Variants in NFYB observed in about 807,000 individuals in gnomAD.
NFYB encodes nuclear transcription factor Y subunit beta, also known as CAAT box DNA-binding protein subunit B.
In NFYB, 13 loss-of-function variants were observed where a neutral mutation model predicts 28.0. The observed-to-expected ratio is 0.46, with a 90% CI of 0.30 to 0.74. The LOEUF (loss-of-function observed/expected upper bound fraction) is 0.74, where lower values mean the gene tolerates loss of function less well. Among genes scored for constraint, NFYB ranks in the 30% least tolerant of loss-of-function variants. The probability of loss-of-function intolerance (pLI) is 0.07; values close to 1 mark genes in which losing one functional copy is unlikely to be tolerated. For missense variants in NFYB, 142 were observed against 247.6 expected (o/e 0.57, Z 2.86); for synonymous variants, 74 against 75.0 (o/e 0.99, Z 0.07).
chr12:104,127,239 G>C (rs998891257), intron 3 of NFYB, among the ~76,000 whole-genome samples: 6 of 152,012 alleles, frequency 3.9e-5, no homozygotes, highest in Non-Finnish European at 8.8e-5. Flanking sequence ...TAATCCCTCT[G>C]GCAAGTTTCT....
At chr12:104,131,338 G>C (rs2030915310) in intron 2 of NFYB, 1 of 168,652 alleles carries the variant, frequency 5.9e-6, no homozygotes, top group Admixed American at 6.2e-5. Flanking sequence ...CACATCATCT[G>C]CTTAACTGTA....
rs570692117 is a variant in NFYB at position 104,136,138 on chromosome 12, A to G, written c.-79-606T>C. 5.3e-5 allele frequency among the ~76,000 whole-genome samples: 8 copies of G among 152,336 alleles called. No individual in the cohort carries two copies. The South Asian group carries it at 1.0e-3, about 20-fold the overall frequency. ...TCAAGACCCTTATTTATAATTTTGA[A>G]GCACCACCATTTTTGACTAAAATTG... On this transcript the variant is annotated intron_variant, in intron 1 of 7. Transcript: ENST00000240055.
At chr12:104,136,556 T>G (rs2031106869) in intron 1 of NFYB, among the ~76,000 whole-genome samples, 1 of 152,196 alleles carries the variant, frequency 6.6e-6, no homozygotes. Flanking sequence ...TCCTTCCTTG[T>G]AACGAGAAAT....
At chr12:104,131,083 A>G (rs984885908) in intron 2 of NFYB, 2 of 152,248 alleles carry the variant, frequency 1.3e-5, no homozygotes, top group African/African-American at 2.4e-5. Context: ...AACACAAACA[A>G]AAGTATTAAA....
chr12:104,134,217 G>A (rs61610230), intron 2 of NFYB, among the ~76,000 whole-genome samples: 8,406 of 151,938 alleles, frequency 0.055, 263 homozygotes, highest in South Asian at 0.11. Flanking sequence ...TCACTTCTAT[G>A]CTTATAAATG....
chr12:104,123,133 G>A, intron 5 of NFYB, 93 bp downstream of exon 5: 1 of 939,548 alleles, frequency 1.1e-6, no homozygotes, highest in Non-Finnish European at 1.6e-6. Flanking sequence ...CCGAGATCTT[G>A]CCACTGTACT....
intron 5 of NFYB, among the ~76,000 whole-genome samples, chr12:104,122,331 AT>A (rs1349056043): frequency 6.6e-6 from 1 of 152,240 alleles, no homozygotes; most frequent in Non-Finnish European, 1.5e-5. Flanking sequence ...CCCTTAAATC[AT>A]TATATAACTA....
Position 104,126,135 on chromosome 12 carries a change from A to G in NFYB, c.210T>C (p.Asn70=), listed in dbSNP as rs1188637517. ...TTACCTTTCCCGTTTGAGGTATGGC[A>G]TTTTTCATTATCCTAGCCACGTTTG... ...PIANVARIMK[N]AIPQTGKIAK... is the part of the protein sequence containing the mutation. The change falls in exon 4 of 8, where the codon AAT becomes AAC. Residue 70 remains asparagine (N), a synonymous_variant. Coordinates refer to ENST00000240055, the MANE Select transcript of NFYB (RefSeq NM_006166.4). The G allele has an allele frequency of 6.3e-7, 1 of 1,586,236 alleles. No individual in the cohort carries two copies. Among genetic ancestry groups the G allele is most frequent in the Non-Finnish European group, 8.5e-7 (1 of 1,171,190 alleles).
chr12:104,124,381 T>C (rs1471985744), intron 4 of NFYB, among the ~76,000 whole-genome samples: 1 of 152,174 alleles, frequency 6.6e-6, no homozygotes, highest in Non-Finnish European at 1.5e-5. Flanking sequence ...CTCCAATGGA[T>C]TAATCAAGCA....
rs946595728 is a variant in NFYB at position 104,135,508 on chromosome 12, G to A, written c.-55C>T. The A allele has an allele frequency of 4.0e-6, 6 of 1,515,988 alleles. No homozygotes were observed. Among genetic ancestry groups the A allele is most frequent in the Non-Finnish European group, 5.3e-6 (6 of 1,127,720 alleles). 93.9% of individuals were successfully genotyped at this position (1,515,988 alleles called of 1,614,324 possible). Reference sequence around the variant, plus strand: ...GTGCTGAAGAACACCTATCTAAAAAGGTGTCTAATCTTTGTGATTTCAACC... The same window carrying A: ...GTGCTGAAGAACACCTATCTAAAAAAGTGTCTAATCTTTGTGATTTCAACC... On this transcript the variant is annotated 5_prime_UTR_variant, in exon 2 of 8. Transcript: ENST00000240055.
intron 2 of NFYB, among the ~76,000 whole-genome samples, chr12:104,133,953 A>T (rs2031015157): frequency 6.6e-6 from 1 of 152,086 alleles, no homozygotes; most frequent in African/African-American, 2.4e-5. Context: ...CTTCATTCCT[A>T]TTTAAACTCC....
intron 3 of NFYB, 129 bp downstream of exon 3, chr12:104,128,295 T>C (rs113518907): frequency 1.9e-5 from 10 of 537,742 alleles, no homozygotes; most frequent in African/African-American, 7.7e-5. Flanking sequence ...GACTTTCTCA[T>C]TGAACCGTAA....
At position 104,119,720 on chromosome 12, in the gene NFYB, T is replaced by G; in HGVS notation, c.*17A>C. On this transcript the variant is annotated 3_prime_UTR_variant, in exon 8 of 8. Transcript: ENST00000240055. ...ACTCTCATTTCTCTACACTCCCCAT[T>G]CCATCATTTCTTCAGATCATGAAAA... 6.3e-7 allele frequency: 1 copy of G among 1,589,760 alleles called. No individual in the cohort carries two copies. Among genetic ancestry groups the G allele is most frequent in the Non-Finnish European group, 8.6e-7 (1 of 1,159,208 alleles).
At chr12:104,131,172 C>G (rs938080491) in intron 2 of NFYB, 1 of 152,198 alleles carries the variant, frequency 6.6e-6, no homozygotes, top group Non-Finnish European at 1.5e-5. Flanking sequence ...ACAGCATTAG[C>G]CTCGCTAAAC....
At position 104,123,185 on chromosome 12, in the gene NFYB, A is replaced by G. The variant is rs374177943; in HGVS notation, c.429+41T>C. ...AGCGATACTCCACCTCAAAAAAAAA[A>G]AGAAGAAAAAAAAAAGCACAATGGG... On this transcript the variant is annotated intron_variant, in intron 5 of 7. Coordinates refer to ENST00000240055, the MANE Select transcript of NFYB (RefSeq NM_006166.4). 112 of 1,512,422 alleles carry G rather than the reference A, an allele frequency of 7.4e-5. No individual in the cohort carries two copies. The African/African-American group carries it at 1.4e-3, about 19-fold the overall frequency. 93.7% of individuals were successfully genotyped at this position (1,512,422 alleles called of 1,614,324 possible).
At chr12:104,126,025 T>G in intron 4 of NFYB, 89 bp downstream of exon 4, 3 of 1,315,956 alleles carry the variant, frequency 2.3e-6, no homozygotes, top group Non-Finnish European at 3.0e-6. Flanking sequence ...ATGATTGAAA[T>G]CAACAGCTAA....
intron 5 of NFYB, among the ~76,000 whole-genome samples, chr12:104,121,747 TA>T (rs914867414): frequency 9.8e-5 from 15 of 152,324 alleles, no homozygotes; most frequent in African/African-American, 3.6e-4. Flanking sequence ...TAAAAATTCC[TA>T]AATTAATTTG....
chr12:104,129,238 G>T (rs1450485304), intron 2 of NFYB, among the ~76,000 whole-genome samples: 1 of 152,104 alleles, frequency 6.6e-6, no homozygotes, highest in African/African-American at 2.4e-5. Context: ...AGAAGCTGAA[G>T]CAGGAGGACT....
Position 104,118,161 on chromosome 12 carries a change from A to G in NFYB, c.*1576T>C, listed in dbSNP as rs548067539. 6.6e-6 allele frequency: 1 copy of G among 152,248 alleles called. No homozygotes were observed. Among genetic ancestry groups the G allele is most frequent in the East Asian group, 1.9e-4 (1 of 5,206 alleles). 9.4% of individuals were successfully genotyped at this position (152,248 alleles called of 1,614,324 possible). A position where few individuals can be genotyped will look rare whatever the true frequency, so the allele number is the denominator to read the frequency against. On this transcript the variant is annotated 3_prime_UTR_variant, in exon 8 of 8. Coordinates refer to ENST00000240055, the MANE Select transcript of NFYB (RefSeq NM_006166.4). ...GTTACAAAATGGTATGCACAATATGAGCCCATTTTTATAAAAATATACATA... is the reference window on the plus strand; with the variant it reads ...GTTACAAAATGGTATGCACAATATGGGCCCATTTTTATAAAAATATACATA...
Sources: gnomAD v4.1 joint callset for allele counts (sites outside exome capture counted in the v4.1 genomes callset) on GRCh38, gnomAD v4.1.1 for gene constraint, MANE v1.5 for transcripts, NCBI Gene and HGNC (gene_info 2026-07-23, HGNC 2026-07-21) for gene names.